Variants in FAM47E observed in about 807,000 individuals in gnomAD.
FAM47E encodes protein FAM47E.
In FAM47E, 32 loss-of-function variants were observed where a neutral mutation model predicts 41.6. The ratio of observed to expected loss-of-function variants is 0.77; its 90% confidence interval spans 0.58 to 1.03. The LOEUF is 1.03. Ranked by LOEUF, FAM47E falls within the 50% of genes least tolerant of loss-of-function variation. The probability of loss-of-function intolerance (pLI) is 0.00; values close to 1 mark genes in which losing one functional copy is unlikely to be tolerated. For missense variants in FAM47E, 424 were observed against 485.4 expected (o/e 0.87, Z 1.19); for synonymous variants, 184 against 188.7 (o/e 0.98, Z 0.20).
chr4:76,263,674 T>G (rs1049883871), intron 2 of FAM47E, 30 bp from the exon 3 acceptor site: 1 of 1,540,524 alleles, frequency 6.5e-7, no homozygotes, highest in East Asian at 2.5e-5. Context: ...CATGTTTTTC[T>G]TTTCCTCTAA....
intron 1 of FAM47E, chr4:76,217,531 C>T (rs1342626693): frequency 2.3e-6 from 1 of 431,844 alleles, no homozygotes; most frequent in Non-Finnish European, 4.1e-6. Context: ...CTAGCTTCCT[C>T]TCTGCCCATG....
Position 76,217,199 on chromosome 4 carries a change from C to G in FAM47E, c.-29-380C>G, listed in dbSNP as rs76591264. Among the ~76,000 whole-genome samples the G allele has an allele frequency of 0.028, 4,234 of 152,256 alleles. 359 individuals carry two copies. In the East Asian group the frequency reaches 0.33, roughly 12 times the overall value. ...CAGGGAGTAGCCCCTGCTTGCCAGC[C>G]ACTAATAACCCTGAACACACTCTGG... On this transcript the variant is annotated intron_variant, in intron 1 of 7. Coordinates refer to the FAM47E transcript ENST00000510197.
In FAM47E at chr4:76,241,920, A is replaced by G. The variant is rs567415416; in HGVS notation, c.82-21784A>G. ...ACTCTTCACGTTGGTTCTCGGCAGG[A>G]AAGTCCCTCATCTGAGCAGCTTGAG... On this transcript the variant is annotated intron_variant, in intron 2 of 7. Transcript: ENST00000510197. 2.4e-3 allele frequency among the ~76,000 whole-genome samples: 363 copies of G among 152,336 alleles called. 2 individuals carry two copies. Among genetic ancestry groups the G allele is most frequent in the African/African-American group, 8.2e-3 (341 of 41,578 alleles).
intron 5 of FAM47E, among the ~76,000 whole-genome samples, chr4:76,277,415 G>C (rs1735169075): frequency 6.6e-6 from 1 of 151,996 alleles, no homozygotes. Context: ...GAACCTGCGA[G>C]GCGGAGCTTG....
At chr4:76,220,007 G>T (rs1309375672) in intron 2 of FAM47E, among the ~76,000 whole-genome samples, 1 of 152,184 alleles carries the variant, frequency 6.6e-6, no homozygotes, top group Non-Finnish European at 1.5e-5. Context: ...GAATATTAAT[G>T]AGTAGTGTTT....
At chr4:76,256,828 C>T (rs761789850) in intron 2 of FAM47E, among the ~76,000 whole-genome samples, 1 of 152,144 alleles carries the variant, frequency 6.6e-6, no homozygotes, top group Admixed American at 6.5e-5. Flanking sequence ...ATCTACTGTA[C>T]TTTGTGTTGT....
chr4:76,260,586 T>G (rs1273873301), intron 2 of FAM47E, among the ~76,000 whole-genome samples: 1 of 152,146 alleles, frequency 6.6e-6, no homozygotes, highest in Non-Finnish European at 1.5e-5. Context: ...AAGACTTAAA[T>G]GTAAGACCTG....
chr4:76,256,290 A>G lies in FAM47E; in HGVS notation c.187A>G (p.Thr63Ala), dbSNP rs889950623. The stretch of plus-strand genomic sequence containing the variant: ...CTTCAGGAAGGGCTGCCCGCCTTGC[A>G]CTGGTCTGGTGACTCAGGTCCCTGT... ...DDFRKGCPPCTGLVTQVPVEG... is the reference protein window; with the variant it reads ...DDFRKGCPPCAGLVTQVPVEG... Residue 63 changes from threonine to alanine, a missense_variant, in exon 2 of 8, where the codon ACT (threonine) becomes GCT (alanine). Physicochemically the swap from Thr to Ala is moderately conservative, Grantham distance 58. Coordinates refer to ENST00000424749, the MANE Select transcript of FAM47E (RefSeq NM_001136570.3). The G allele has an allele frequency of 3.9e-6, 6 of 1,551,564 alleles. No homozygotes were observed. The highest frequency in any genetic ancestry group is 3.5e-6 in the Non-Finnish European group (4 of 1,146,994).
chr4:76,225,335 C>CAGCGA (rs1364205707), intron 2 of FAM47E, among the ~76,000 whole-genome samples: 1 of 152,206 alleles, frequency 6.6e-6, no homozygotes, highest in Non-Finnish European at 1.5e-5. Context: ...ATCATATCAT[C>CAGCGA]AGCGAACAGT....
upstream of FAM47E, among the ~76,000 whole-genome samples, chr4:76,247,984 G>A (rs1210993147): frequency 2.4e-5 from 3 of 127,206 alleles, no homozygotes; most frequent in African/African-American, 5.8e-5. Flanking sequence ...GCGCAATCTC[G>A]GCTCACTGCA....
chr4:76,232,692 T>G (rs900203682), intron 2 of FAM47E, among the ~76,000 whole-genome samples: 1 of 152,216 alleles, frequency 6.6e-6, no homozygotes, highest in Non-Finnish European at 1.5e-5. Context: ...CCTAGACATG[T>G]CAAATCATCT....
chr4:76,270,147 G>A, intron 4 of FAM47E, among the ~76,000 whole-genome samples: 1 of 152,156 alleles, frequency 6.6e-6, no homozygotes. Flanking sequence ...AATATTTTTA[G>A]ATGTTGTTCC....
At position 76,251,839 on chromosome 4, in the gene FAM47E, G is replaced by T. The variant is rs1733975902; in HGVS notation, c.74+19G>T. ...GGTCCAGGTAAACACTCAGCGCCCG[G>T]GCCGAGGGCGCATCCCACGCGGGCC... On this transcript the variant is annotated intron_variant, in intron 1 of 7. Transcript: ENST00000424749. 2.1e-6 allele frequency: 3 copies of T among 1,408,862 alleles called. No homozygotes were observed. The East Asian group carries it at 8.9e-5, about 42-fold the overall frequency. The allele number at this position is 1,408,862 out of a possible 1,614,324, so 87.3% of individuals were successfully genotyped here. A position where few individuals can be genotyped will look rare whatever the true frequency, so the allele number is the denominator to read the frequency against.
chr4:76,276,037 G>GACAGACAGAC (rs1553957135), intron 5 of FAM47E, among the ~76,000 whole-genome samples: 21 of 62,400 alleles, frequency 3.4e-4, no homozygotes, highest in African/African-American at 1.0e-3. Context: ...CAGACAGACA[G>GACAGACAGAC]ACACACACAC....
chr4:76,276,450 G>A (rs1279248104), intron 5 of FAM47E, among the ~76,000 whole-genome samples: 1 of 151,938 alleles, frequency 6.6e-6, no homozygotes, highest in Non-Finnish European at 1.5e-5. Flanking sequence ...CCAGCTCACT[G>A]CAACCTCCAC....
At chr4:76,279,177 G>T (rs1735249601) in intron 6 of FAM47E, 1 of 152,094 alleles carries the variant, frequency 6.6e-6, no homozygotes, top group South Asian at 2.1e-4. Context: ...TGTAAATAAT[G>T]TTTGGCAGAA....
At position 76,251,860 on chromosome 4, in the gene FAM47E, G is replaced by A. The variant is rs1057029253; in HGVS notation, c.74+40G>A. The stretch of plus-strand genomic sequence containing the variant: ...CCCGGGCCGAGGGCGCATCCCACGC[G>A]GGCCGCGCGGGGGCGCCTGGAGACC... On this transcript the variant is annotated intron_variant, in intron 1 of 7. Coordinates refer to ENST00000424749, the MANE Select transcript of FAM47E (RefSeq NM_001136570.3). 5 of 1,369,650 alleles carry A rather than the reference G, an allele frequency of 3.7e-6. No homozygotes were observed. The African/African-American group carries it at 6.1e-5, about 17-fold the overall frequency. 84.8% of individuals were successfully genotyped at this position (1,369,650 alleles called of 1,614,324 possible).
In FAM47E at chr4:76,273,471, C is replaced by G. The variant is rs1162069427; in HGVS notation, c.870+1703C>G. Among the ~76,000 whole-genome samples, 3 of 152,310 alleles carry G rather than the reference C, an allele frequency of 2.0e-5. No homozygotes were observed. The South Asian group carries it at 6.2e-4, about 32-fold the overall frequency. On this transcript the variant is annotated intron_variant, in intron 5 of 7. Transcript: ENST00000424749. Reference sequence around the variant, plus strand: ...TTGCCTTCCTGTCTTCTTGGTTGTACTGTTTCTAGGAGAAATCTTATATCA... The same window carrying G: ...TTGCCTTCCTGTCTTCTTGGTTGTAGTGTTTCTAGGAGAAATCTTATATCA...
At chr4:76,249,575 A>ATT (rs148694990), upstream of FAM47E, among the ~76,000 whole-genome samples, 18 of 147,898 alleles carry the variant, frequency 1.2e-4, no homozygotes, top group African/African-American at 4.2e-4. Context: ...TTATTTATTT[A>ATT]TTTTTTTTTT....
Sources: gnomAD v4.1 joint callset for allele counts (sites outside exome capture counted in the v4.1 genomes callset) on GRCh38, gnomAD v4.1.1 for gene constraint, MANE v1.5 for transcripts, NCBI Gene and HGNC (gene_info 2026-07-23, HGNC 2026-07-21) for gene names.